ARMH4: variants seen among roughly 807,000 people sequenced by gnomAD.
The protein encoded by ARMH4 is armadillo-like helical domain-containing protein 4.
In ARMH4, 49 loss-of-function variants were observed where a neutral mutation model predicts 61.9. The observed-to-expected ratio is 0.79, with a 90% CI of 0.63 to 1.00. ARMH4 has a LOEUF of 1.00. Among genes scored for constraint, ARMH4 ranks in the 50% least tolerant of loss-of-function variants. The pLI is 0.00. For missense variants in ARMH4, 934 were observed against 930.0 expected (o/e 1.00, Z -0.06); for synonymous variants, 368 against 341.5 (o/e 1.08, Z -0.85).
At position 58,066,039 on chromosome 14, in the gene ARMH4, G is replaced by A. The variant is rs114754601; in HGVS notation, c.2089+30685C>T. On this transcript the variant is annotated intron_variant, in intron 5 of 7. Transcript: ENST00000267485. Reference sequence around the variant, plus strand: ...GATTCCTTAAAGCTGAGATCCTGACGTGGGGGACCTAGCTAAACTAGGCCT... The same window carrying A: ...GATTCCTTAAAGCTGAGATCCTGACATGGGGGACCTAGCTAAACTAGGCCT... Among the ~76,000 whole-genome samples, 628 of 152,300 alleles carry A rather than the reference G, an allele frequency of 4.1e-3. 4 individuals are homozygous for A. The highest frequency in any genetic ancestry group is 0.015 in the African/African-American group (610 of 41,560).
At chr14:58,032,541 G>A (rs1883284992) in intron 5 of ARMH4, among the ~76,000 whole-genome samples, 1 of 152,078 alleles carries the variant, frequency 6.6e-6, no homozygotes, top group Non-Finnish European at 1.5e-5. Context: ...AAATACTTAG[G>A]GGAGGAGCCA....
At chr14:58,104,855 A>T (rs915006933) in intron 4 of ARMH4, among the ~76,000 whole-genome samples, 1 of 152,228 alleles carries the variant, frequency 6.6e-6, no homozygotes, top group Non-Finnish European at 1.5e-5. Flanking sequence ...AAATGTATAA[A>T]CAATGAGATA....
intron 5 of ARMH4, among the ~76,000 whole-genome samples, chr14:58,094,008 T>C (rs965782850): frequency 2.0e-5 from 3 of 152,078 alleles, no homozygotes; most frequent in Admixed American, 2.0e-4. Flanking sequence ...GAATAAAAAA[T>C]TACTAAACTG....
At chr14:58,099,295 C>T (rs1339892188) in intron 4 of ARMH4, among the ~76,000 whole-genome samples, 1 of 152,120 alleles carries the variant, frequency 6.6e-6, no homozygotes, top group African/African-American at 2.4e-5. Flanking sequence ...GGAAATGGTC[C>T]AGACCACATT....
intron 5 of ARMH4, among the ~76,000 whole-genome samples, chr14:58,058,536 T>A (rs966619369): frequency 6.6e-6 from 1 of 152,166 alleles, no homozygotes; most frequent in African/African-American, 2.4e-5. Flanking sequence ...AACTGAGGGT[T>A]CCTCTCCTTT....
intron 5 of ARMH4, among the ~76,000 whole-genome samples, chr14:58,069,699 C>T (rs1001562744): frequency 6.6e-6 from 1 of 152,120 alleles, no homozygotes; most frequent in African/African-American, 2.4e-5. Flanking sequence ...GGAAATTTGA[C>T]GTACAGCATC....
chr14:58,058,328 G>A (rs1439378090), intron 5 of ARMH4, among the ~76,000 whole-genome samples: 1 of 152,132 alleles, frequency 6.6e-6, no homozygotes, highest in East Asian at 1.9e-4. Context: ...ATTCAGTAGA[G>A]ATACCTTTTT....
At chr14:58,097,265 A>G (rs942209520) in intron 4 of ARMH4, among the ~76,000 whole-genome samples, 1 of 152,188 alleles carries the variant, frequency 6.6e-6, no homozygotes, top group Non-Finnish European at 1.5e-5. Flanking sequence ...AGTTATTTAT[A>G]TTTACAAGGG....
intron 5 of ARMH4, among the ~76,000 whole-genome samples, chr14:58,055,311 C>A (rs1168179127): frequency 6.6e-6 from 1 of 152,180 alleles, no homozygotes; most frequent in East Asian, 1.9e-4. Flanking sequence ...TATATAACCT[C>A]TACTCACCAC....
Position 58,071,057 on chromosome 14 carries a change from G to A in ARMH4, c.2089+25667C>T, listed in dbSNP as rs116596896. Among the ~76,000 whole-genome samples the A allele has an allele frequency of 8.3e-3, 1,265 of 151,748 alleles. 23 individuals carry two copies. The highest frequency in any genetic ancestry group is 0.029 in the African/African-American group (1,187 of 41,446). ...TGGTTATAGTCCTACTAGCCTTGAG[G>A]CCATACCTTTTATAATGTGAAAAAT... On this transcript the variant is annotated intron_variant, in intron 5 of 7. Coordinates refer to ENST00000267485, the MANE Select transcript of ARMH4 (RefSeq NM_001001872.4).
chr14:58,022,548 C>A (rs941425028), intron 5 of ARMH4, among the ~76,000 whole-genome samples: 1 of 152,184 alleles, frequency 6.6e-6, no homozygotes, highest in Admixed American at 6.5e-5. Context: ...CAGCAAGGAG[C>A]TCCAGCAGTA....
chr14:58,144,573 A>G (rs1418924079), intron 1 of ARMH4, among the ~76,000 whole-genome samples: 2 of 152,002 alleles, frequency 1.3e-5, no homozygotes, highest in African/African-American at 4.8e-5. Context: ...AACAACAACA[A>G]CAAAACATAT....
intron 6 of ARMH4, among the ~76,000 whole-genome samples, chr14:58,008,713 T>C (rs1222683705): frequency 6.6e-6 from 1 of 152,188 alleles, no homozygotes; most frequent in Non-Finnish European, 1.5e-5. Flanking sequence ...ATTCCCAGAG[T>C]TCCTGGGAGG....
intron 5 of ARMH4, among the ~76,000 whole-genome samples, chr14:58,016,485 A>C (rs1882620217): frequency 6.6e-6 from 1 of 152,274 alleles, no homozygotes; most frequent in Admixed American, 6.5e-5. Flanking sequence ...GGGTAGTAGA[A>C]TTATCGATGA....
intron 5 of ARMH4, among the ~76,000 whole-genome samples, chr14:58,091,991 C>T (rs1885581313): frequency 6.6e-6 from 1 of 152,210 alleles, no homozygotes; most frequent in Non-Finnish European, 1.5e-5. Context: ...GTGCAGAAAA[C>T]AGAAGTACAG....
At position 58,069,639 on chromosome 14, in the gene ARMH4, A is replaced by C. The variant is rs75841822; in HGVS notation, c.2089+27085T>G. On this transcript the variant is annotated intron_variant, in intron 5 of 7. Coordinates refer to ENST00000267485, the MANE Select transcript of ARMH4 (RefSeq NM_001001872.4). Reference sequence around the variant, plus strand: ...AAAGAGTTTGGTGGCAGGGATATAAAGTATGCAGACGGCAAGAGAAGAGGC... The same window carrying C: ...AAAGAGTTTGGTGGCAGGGATATAACGTATGCAGACGGCAAGAGAAGAGGC... Among the ~76,000 whole-genome samples the C allele has an allele frequency of 4.0e-3, 604 of 152,298 alleles. 6 individuals are homozygous for C. The highest frequency in any genetic ancestry group is 0.014 in the African/African-American group (583 of 41,554).
chr14:58,060,861 T>G (rs1482220506), intron 5 of ARMH4, among the ~76,000 whole-genome samples: 2 of 152,152 alleles, frequency 1.3e-5, no homozygotes, highest in Non-Finnish European at 2.9e-5. Context: ...CCAAACTGCC[T>G]CTGCAATCAC....
intron 5 of ARMH4, among the ~76,000 whole-genome samples, chr14:58,021,746 C>G (rs1882839078): frequency 6.6e-6 from 1 of 152,176 alleles, no homozygotes; most frequent in South Asian, 2.1e-4. Context: ...AGGGAATGGT[C>G]AGAGAGGCTC....
intron 5 of ARMH4, among the ~76,000 whole-genome samples, chr14:58,023,771 G>C (rs1882925909): frequency 6.6e-6 from 1 of 152,118 alleles, no homozygotes; most frequent in African/African-American, 2.4e-5. Context: ...ATTATTCCTT[G>C]ATCCATGAAC....
Sources: allele counts gnomAD v4.1 joint callset (sites outside exome capture counted in the v4.1 genomes callset), GRCh38; gene constraint gnomAD v4.1.1; transcripts MANE v1.5; gene names NCBI Gene and HGNC (gene_info 2026-07-23, HGNC 2026-07-21).